Variants in STT3B observed in about 807,000 individuals in gnomAD.
STT3B encodes the protein dolichyl-diphosphooligosaccharide--protein glycosyltransferase subunit STT3B.
STT3B carries 29 observed loss-of-function variants against 96.8 expected under a neutral mutation model. The observed-to-expected ratio is 0.30, with a 90% CI of 0.22 to 0.41. The LOEUF is 0.41. Ranked by LOEUF, STT3B falls within the 10% of genes least tolerant of loss-of-function variation. STT3B has a pLI of 1.00. For missense variants in STT3B, 640 were observed against 1,022.3 expected, an observed-to-expected ratio of 0.63 and a Z score of 5.10; for synonymous variants, 367 against 360.0, an observed-to-expected ratio of 1.02 and a Z score of -0.22.
chr3:31,538,662 C>A (rs992246849), intron 1 of STT3B, among the ~76,000 whole-genome samples: 2 of 152,016 alleles, frequency 1.3e-5, no homozygotes, highest in Non-Finnish European at 1.5e-5. Flanking sequence ...TAAATCCCTG[C>A]AATAAATAGG....
At chr3:31,552,477 T>C (rs1697585290) in intron 1 of STT3B, among the ~76,000 whole-genome samples, 1 of 152,232 alleles carries the variant, frequency 6.6e-6, no homozygotes, top group African/African-American at 2.4e-5. Context: ...AATCCTTATT[T>C]GACTTTTAAA....
At chr3:31,544,547 A>G (rs917504379) in intron 1 of STT3B, among the ~76,000 whole-genome samples, 1 of 152,224 alleles carries the variant, frequency 6.6e-6, no homozygotes, top group Non-Finnish European at 1.5e-5. Flanking sequence ...GTATGCTGTA[A>G]TGATCTCACA....
intron 1 of STT3B, among the ~76,000 whole-genome samples, chr3:31,558,504 G>A (rs182218404): frequency 2.0e-3 from 307 of 152,280 alleles, no homozygotes; most frequent in Non-Finnish European, 3.5e-3. Flanking sequence ...ATTGATTTGT[G>A]TCTGTCGAAT....
intron 1 of STT3B, among the ~76,000 whole-genome samples, chr3:31,534,945 C>CT (rs1411583222): frequency 6.6e-6 from 1 of 152,074 alleles, no homozygotes; most frequent in Admixed American, 6.5e-5. Flanking sequence ...TTTTGAAATA[C>CT]TTAAGCAAGT....
intron 1 of STT3B, among the ~76,000 whole-genome samples, chr3:31,574,570 T>G (rs545612499): frequency 1.3e-5 from 2 of 152,288 alleles, no homozygotes; most frequent in Non-Finnish European, 2.9e-5. Context: ...GATATCCCTT[T>G]TTAAATTCTG....
chr3:31,592,195 A>G (rs1263480381), intron 3 of STT3B, among the ~76,000 whole-genome samples: 1 of 152,168 alleles, frequency 6.6e-6, no homozygotes, highest in Non-Finnish European at 1.5e-5. Flanking sequence ...TACTTCACAT[A>G]GGTGGAATCA....
chr3:31,636,238 A>G lies in STT3B; in HGVS notation c.*174A>G, dbSNP rs775060468. 5 of 466,792 alleles carry G rather than the reference A, an allele frequency of 1.1e-5. No individual in the cohort carries two copies. Among genetic ancestry groups the G allele is most frequent in the Admixed American group, 4.2e-5 (1 of 23,720 alleles). 28.9% of individuals were successfully genotyped at this position (466,792 alleles called of 1,614,324 possible). A position where few individuals can be genotyped will look rare whatever the true frequency, so the allele number is the denominator to read the frequency against. Reference sequence around the variant, plus strand: ...AAAAAATAAAATTGGCTTGTTGAGAACAGCTGTTTTCGATTTCTAATGTGA... The same window carrying G: ...AAAAAATAAAATTGGCTTGTTGAGAGCAGCTGTTTTCGATTTCTAATGTGA... On this transcript the variant is annotated 3_prime_UTR_variant, in exon 16 of 16. Coordinates refer to ENST00000295770, the MANE Select transcript of STT3B (RefSeq NM_178862.3).
intron 5 of STT3B, among the ~76,000 whole-genome samples, chr3:31,603,700 C>G (rs1206569695): frequency 6.6e-6 from 1 of 151,694 alleles, no homozygotes; most frequent in Non-Finnish European, 1.5e-5. Flanking sequence ...GATATGAAGT[C>G]AAATTTAGGG....
intron 9 of STT3B, 36 bp downstream of exon 9, chr3:31,619,866 A>G (rs564892568): frequency 1.3e-6 from 2 of 1,580,080 alleles, no homozygotes; most frequent in East Asian, 2.2e-5. Context: ...TTGATATGGA[A>G]TAGTTATTTT....
At chr3:31,604,437 C>T (rs938240708) in intron 5 of STT3B, among the ~76,000 whole-genome samples, 1 of 151,818 alleles carries the variant, frequency 6.6e-6, no homozygotes, top group Non-Finnish European at 1.5e-5. Flanking sequence ...TGTAAAAAAT[C>T]CAGCATTAAA....
intron 9 of STT3B, among the ~76,000 whole-genome samples, chr3:31,621,554 G>A (rs1009378133): frequency 5.9e-5 from 9 of 152,174 alleles, no homozygotes; most frequent in African/African-American, 1.9e-4. Flanking sequence ...TTTTCCTGTG[G>A]TTAGCACATT....
chr3:31,535,808 A>G (rs528561958), intron 1 of STT3B, among the ~76,000 whole-genome samples: 1 of 152,330 alleles, frequency 6.6e-6, no homozygotes, highest in African/African-American at 2.4e-5. Flanking sequence ...AATTTGTACC[A>G]TTTGAAAGTA....
intron 5 of STT3B, among the ~76,000 whole-genome samples, chr3:31,607,289 A>C (rs1292052497): frequency 1.3e-5 from 2 of 152,118 alleles, no homozygotes; most frequent in Non-Finnish European, 2.9e-5. Context: ...AAATGTGAGG[A>C]CATGAGATTT....
intron 1 of STT3B, among the ~76,000 whole-genome samples, chr3:31,542,570 G>A (rs1399555150): frequency 6.6e-6 from 1 of 152,162 alleles, no homozygotes; most frequent in Non-Finnish European, 1.5e-5. Flanking sequence ...TTTAAACCAA[G>A]TGTCTTAGGG....
chr3:31,572,880 T>C (rs1395885724), intron 1 of STT3B, among the ~76,000 whole-genome samples: 2 of 152,214 alleles, frequency 1.3e-5, no homozygotes, highest in Non-Finnish European at 2.9e-5. Flanking sequence ...GTTTGTGAAG[T>C]ACCAGATGCT....
intron 1 of STT3B, among the ~76,000 whole-genome samples, chr3:31,536,725 A>G (rs1397496504): frequency 3.3e-5 from 5 of 152,210 alleles, no homozygotes; most frequent in South Asian, 2.1e-4. Context: ...ATTTGACTTC[A>G]CTTTAGTAAT....
intron 1 of STT3B, among the ~76,000 whole-genome samples, chr3:31,536,588 G>GT: frequency 6.6e-6 from 1 of 152,296 alleles, no homozygotes; most frequent in East Asian, 1.9e-4. Flanking sequence ...ACGTCACAGA[G>GT]TTATACTTGT....
At chr3:31,618,606 G>A (rs1699362053) in intron 8 of STT3B, among the ~76,000 whole-genome samples, 1 of 151,776 alleles carries the variant, frequency 6.6e-6, no homozygotes, top group Admixed American at 6.6e-5. Context: ...TGTTCCTGCT[G>A]TTCTGTCTTG....
intron 2 of STT3B, 97 bp downstream of exon 2, chr3:31,576,601 G>A (rs1698269618): frequency 1.5e-6 from 1 of 685,718 alleles, no homozygotes; most frequent in Non-Finnish European, 2.2e-6. Context: ...TGAAAGCTTT[G>A]TATAGTTAAC....
Sources: gnomAD v4.1 joint callset for allele counts (sites outside exome capture counted in the v4.1 genomes callset) on GRCh38, gnomAD v4.1.1 for gene constraint, MANE v1.5 for transcripts, NCBI Gene and HGNC (gene_info 2026-07-23, HGNC 2026-07-21) for gene names.